Variants in STK3 observed in about 807,000 individuals in gnomAD.
The protein encoded by STK3 is serine/threonine-protein kinase 3.
In STK3, 41 loss-of-function variants were observed where a neutral mutation model predicts 58.0. The observed-to-expected ratio is 0.71, with a 90% CI of 0.55 to 0.92. The LOEUF is 0.92. Ranked by LOEUF, STK3 falls within the 40% of genes least tolerant of loss-of-function variation. The pLI is 0.00. For missense variants in STK3, 479 were observed against 602.7 expected, an observed-to-expected ratio of 0.79 and a Z score of 2.15; for synonymous variants, 170 against 191.0, an observed-to-expected ratio of 0.89 and a Z score of 0.91.
intron 3 of STK3, chr8:98,432,209 C>T (rs1482931939): frequency 6.0e-6 from 1 of 166,972 alleles, no homozygotes; most frequent in Non-Finnish European, 1.5e-5. Flanking sequence ...TATGAGGTGA[C>T]ATCTTTGGCA....
At chr8:98,477,721 C>CGGGGGGGGGGGGGG (rs1430631371) in intron 10 of STK3, among the ~76,000 whole-genome samples, 1 of 8,294 alleles carries the variant, frequency 1.2e-4, no homozygotes, top group Non-Finnish European at 2.0e-4. Context: ...GGGGGGTGGG[C>CGGGGGGGGGGGGGG]GGGGGGGGGC....
intron 1 of STK3, among the ~76,000 whole-genome samples, chr8:98,898,028 C>T (rs1838521282): frequency 1.3e-5 from 2 of 152,170 alleles, no homozygotes; most frequent in African/African-American, 4.8e-5. Flanking sequence ...TTTTCCTCAC[C>T]TGTAAGAAGG....
chr8:98,540,389 C>T (rs1456192135), intron 9 of STK3, among the ~76,000 whole-genome samples: 3 of 152,188 alleles, frequency 2.0e-5, no homozygotes, highest in Non-Finnish European at 4.4e-5. Context: ...ACTTGTGAGG[C>T]TGGTTATTTG....
At chr8:98,815,945 T>C (rs1834513705) in intron 1 of STK3, among the ~76,000 whole-genome samples, 2 of 152,096 alleles carry the variant, frequency 1.3e-5, no homozygotes, top group Admixed American at 1.3e-4. Flanking sequence ...GAAAGACAAT[T>C]AGACATTATG....
At chr8:98,543,137 T>G (rs1810426645) in intron 9 of STK3, among the ~76,000 whole-genome samples, 1 of 152,012 alleles carries the variant, frequency 6.6e-6, no homozygotes, top group Admixed American at 6.6e-5. Context: ...CCTGAGTGAA[T>G]GAATATGATT....
chr8:98,691,169 T>C (rs962520369), intron 6 of STK3, among the ~76,000 whole-genome samples: 5 of 152,150 alleles, frequency 3.3e-5, no homozygotes, highest in Admixed American at 6.5e-5. Flanking sequence ...CCATGCAATA[T>C]ACCCTTGTAA....
At chr8:98,933,498 G>A (rs1840077622) in intron 1 of STK3, among the ~76,000 whole-genome samples, 1 of 152,184 alleles carries the variant, frequency 6.6e-6, no homozygotes, top group Non-Finnish European at 1.5e-5. Flanking sequence ...AGAGTGGGGA[G>A]TCAAAAGAAT....
intron 4 of STK3, among the ~76,000 whole-genome samples, chr8:98,741,692 A>G (rs1829226047): frequency 6.6e-6 from 1 of 152,162 alleles, no homozygotes; most frequent in Non-Finnish European, 1.5e-5. Flanking sequence ...AGAACTAGAA[A>G]AGCAAGAGCA....
chr8:98,686,034 A>T (rs1395127571), intron 6 of STK3, among the ~76,000 whole-genome samples: 2 of 152,164 alleles, frequency 1.3e-5, no homozygotes, highest in Non-Finnish European at 2.9e-5. Flanking sequence ...TCCTATTCTA[A>T]TCAACAAAAC....
At chr8:98,358,702 G>A in the STK3 span, among the ~76,000 whole-genome samples, 1 of 152,214 alleles carries the variant, frequency 6.6e-6, no homozygotes, top group East Asian at 1.9e-4. Context: ...CATGGTTTAG[G>A]GGAATGAGGG....
At chr8:98,369,054 T>G (rs1278779987), downstream of STK3, among the ~76,000 whole-genome samples, 1 of 152,242 alleles carries the variant, frequency 6.6e-6, no homozygotes, top group East Asian at 1.9e-4. Context: ...TTCTGCTCCC[T>G]TGATTGCCAA....
intron 6 of STK3, among the ~76,000 whole-genome samples, chr8:98,613,329 C>G (rs552392453): frequency 6.6e-6 from 1 of 151,908 alleles, no homozygotes; most frequent in African/African-American, 2.4e-5. Flanking sequence ...ACTCATCAGA[C>G]CAAGAGTCAA....
chr8:98,879,173 G>C (rs1837701006), downstream of STK3: 1 of 152,114 alleles, frequency 6.6e-6, no homozygotes, highest in Non-Finnish European at 1.5e-5. Flanking sequence ...ACATCCTCCT[G>C]TATACTTTAA....
intron 1 of STK3, among the ~76,000 whole-genome samples, chr8:98,885,589 G>A (rs1411294029): frequency 1.3e-5 from 2 of 152,192 alleles, no homozygotes; most frequent in South Asian, 2.1e-4. Context: ...ACAGGCATGC[G>A]CCACCAGGCC....
At chr8:98,831,017 T>C (rs1330058400) in intron 3 of STK3, among the ~76,000 whole-genome samples, 1 of 151,046 alleles carries the variant, frequency 6.6e-6, no homozygotes, top group African/African-American at 2.4e-5. Context: ...CTGTTTCTGC[T>C]TCCAACAGCT....
At chr8:98,833,997 A>G (rs1218658865) in intron 3 of STK3, among the ~76,000 whole-genome samples, 2 of 152,070 alleles carry the variant, frequency 1.3e-5, no homozygotes, top group African/African-American at 4.8e-5. Context: ...CCTTTATCTG[A>G]GGGATGTGAA....
chr8:98,737,641 T>C (rs145177092), intron 4 of STK3, among the ~76,000 whole-genome samples: 3 of 152,222 alleles, frequency 2.0e-5, no homozygotes, highest in African/African-American at 7.2e-5. Context: ...CAACAAAAGA[T>C]CATTCACATT....
chr8:98,399,676 G>A (rs556170918), downstream of STK3, among the ~76,000 whole-genome samples: 1 of 152,292 alleles, frequency 6.6e-6, no homozygotes, highest in East Asian at 1.9e-4. Flanking sequence ...GATCAAAGGG[G>A]TGATTCATCT....
At chr8:98,648,204 G>T (rs1034049938) in intron 6 of STK3, among the ~76,000 whole-genome samples, 15 of 152,184 alleles carry the variant, frequency 9.9e-5, no homozygotes, top group Non-Finnish European at 1.5e-5. Flanking sequence ...CTTTGGGAAT[G>T]AAGTTGTCCC....
Sources: allele counts gnomAD v4.1 joint callset (sites outside exome capture counted in the v4.1 genomes callset), GRCh38; gene constraint gnomAD v4.1.1; transcripts MANE v1.5; gene names NCBI Gene and HGNC (gene_info 2026-07-23, HGNC 2026-07-21).